The following CACNA1C variants were observed in gnomAD, a reference collection of about 807,000 sequenced individuals.
The protein encoded by CACNA1C is calcium voltage-gated channel subunit alpha1 C.
Under a neutral mutation model 229.0 loss-of-function variants are expected in CACNA1C, and 30 were observed. The observed-to-expected ratio is 0.13, with a 90% confidence interval of 0.10 to 0.18. CACNA1C has a LOEUF of 0.18. Among genes scored for constraint, CACNA1C ranks in the 10% least tolerant of loss-of-function variants. CACNA1C has a pLI of 1.00. For missense variants in CACNA1C, 1,658 were observed against 2,845.0 expected (o/e 0.58, Z 9.49); for synonymous variants, 1,114 against 1,132.5 (o/e 0.98, Z 0.33).
Position 2,651,636 on chromosome 12 carries a change from C to T in CACNA1C, c.3946-4C>T. The T allele has an allele frequency of 6.2e-7, 1 of 1,613,876 alleles. No individual in the cohort carries two copies. Among genetic ancestry groups the T allele is most frequent in the Non-Finnish European group, 8.5e-7 (1 of 1,179,836 alleles). ...CTGCACCTCCTGTTGCCGACGGGTT[C>T]CAGAACGCAGAGGAAAACTCCCGCA... is the stretch of plus-strand genomic sequence containing the variant. On this transcript the variant is annotated splice_polypyrimidine_tract_variant and splice_region_variant and intron_variant, in intron 31 of 46. Coordinates refer to ENST00000399655, the MANE Select transcript of CACNA1C (RefSeq NM_000719.7). This position sits in a 1 kb window ranked among gnomAD's most constrained non-coding sequence, Gnocchi z 5.4.
chr12:2,374,990 C>T (rs2098001119), intron 3 of CACNA1C, among the ~76,000 whole-genome samples: 1 of 152,158 alleles, frequency 6.6e-6, no homozygotes, highest in South Asian at 2.1e-4. Context: ...TAAGGTGCTT[C>T]CAGTGACAGT....
chr12:2,670,452 A>G (rs905473399), intron 38 of CACNA1C, among the ~76,000 whole-genome samples: 1 of 152,226 alleles, frequency 6.6e-6, no homozygotes, highest in Non-Finnish European at 1.5e-5. Context: ...TAACCCAGAC[A>G]TGGGCCTTCT....
intron 3 of CACNA1C, among the ~76,000 whole-genome samples, chr12:2,265,239 G>A (rs962764667): frequency 3.3e-5 from 5 of 152,172 alleles, no homozygotes; most frequent in African/African-American, 9.7e-5. Flanking sequence ...GCAAATGTCT[G>A]GCTATCTAGG....
chr12:2,363,828 T>G (rs1165066116), intron 3 of CACNA1C, among the ~76,000 whole-genome samples: 2 of 152,198 alleles, frequency 1.3e-5, no homozygotes, highest in Non-Finnish European at 2.9e-5. Flanking sequence ...CTCTGCTTCT[T>G]CTTGGACCTG....
intron 29 of CACNA1C, among the ~76,000 whole-genome samples, chr12:2,624,538 ACTTGAAGAG>A (rs1354106039): frequency 1.2e-4 from 18 of 152,344 alleles, no homozygotes; most frequent in African/African-American, 4.3e-4. Flanking sequence ...ACATTGAAGA[ACTTGAAGAG>A]CAAGCAAGAA....
intron 3 of CACNA1C, among the ~76,000 whole-genome samples, chr12:2,186,010 C>T (rs57920468): frequency 1.3e-5 from 2 of 152,154 alleles, no homozygotes; most frequent in Non-Finnish European, 2.9e-5. Flanking sequence ...CCTGGCCGCT[C>T]TCTGGCTCCT....
chr12:2,393,879 G>T (rs1383249578), intron 3 of CACNA1C, among the ~76,000 whole-genome samples: 1 of 152,124 alleles, frequency 6.6e-6, no homozygotes. Context: ...GCTAAGGTGG[G>T]AGGATCATGG....
intron 21 of CACNA1C, among the ~76,000 whole-genome samples, chr12:2,600,894 T>C (rs752417905): frequency 6.6e-6 from 1 of 152,220 alleles, no homozygotes; most frequent in Non-Finnish European, 1.5e-5. Flanking sequence ...GGTGGCATCC[T>C]AAGTATTTTA....
At chr12:2,663,270 A>T (rs2095858486) in intron 34 of CACNA1C, among the ~76,000 whole-genome samples, 1 of 152,118 alleles carries the variant, frequency 6.6e-6, no homozygotes, top group African/African-American at 2.4e-5. Context: ...CCACCATGAG[A>T]CTCCACCTTC....
At chr12:2,204,977 A>C (rs532735897) in intron 3 of CACNA1C, among the ~76,000 whole-genome samples, 87 of 152,148 alleles carry the variant, frequency 5.7e-4, no homozygotes, top group African/African-American at 8.4e-4. Flanking sequence ...AAAACAAAAA[A>C]AAAACCTCTT....
At chr12:2,379,802 C>G (rs1266188630) in intron 3 of CACNA1C, among the ~76,000 whole-genome samples, 1 of 151,774 alleles carries the variant, frequency 6.6e-6, no homozygotes, top group African/African-American at 2.4e-5. Flanking sequence ...GAGGCCGAGG[C>G]GGGCGGATCA....
intron 3 of CACNA1C, among the ~76,000 whole-genome samples, chr12:2,393,384 C>G (rs1436360791): frequency 6.6e-6 from 1 of 152,218 alleles, no homozygotes; most frequent in African/African-American, 2.4e-5. Context: ...ATCTCCTGCT[C>G]CAGTGAAGAC....
intron 3 of CACNA1C, among the ~76,000 whole-genome samples, chr12:2,177,529 C>A (rs1368451112): frequency 1.4e-5 from 2 of 148,086 alleles, no homozygotes; most frequent in Non-Finnish European, 3.0e-5. Flanking sequence ...TCCTTCCTCT[C>A]CTCTCCCTTC....
At chr12:2,456,481 C>T (rs941304434) in intron 4 of CACNA1C, among the ~76,000 whole-genome samples, 1 of 152,210 alleles carries the variant, frequency 6.6e-6, no homozygotes, top group Admixed American at 6.5e-5. Context: ...TCCCTATTTC[C>T]TCTCCGACTT....
chr12:2,398,733 G>A (rs2098632219), intron 3 of CACNA1C, among the ~76,000 whole-genome samples: 1 of 152,136 alleles, frequency 6.6e-6, no homozygotes. Context: ...GGATGTGTGG[G>A]GTCTAAAGAT....
rs944015800 is a variant in CACNA1C, at chr12:2,054,520, G to A, written c.49+909G>A. 6.6e-6 allele frequency among the ~76,000 whole-genome samples: 1 copy of A among 152,128 alleles called. No individual in the cohort carries two copies. The highest frequency in any genetic ancestry group is 2.4e-5 in the African/African-American group (1 of 41,426). ...GAGTGTCACCAGCTCCCCCTGTGAT[G>A]GTGAAAGGCAGTCAGGTAACTCCCT... On this transcript the variant is annotated intron_variant, in intron 1 of 46. Coordinates refer to ENST00000399655, the MANE Select transcript of CACNA1C (RefSeq NM_000719.7). This position sits in a 1 kb window ranked among gnomAD's most constrained non-coding sequence, Gnocchi z 5.5.
Position 2,669,048 on chromosome 12 carries a change from G to C in CACNA1C, c.4726+13G>C, listed in dbSNP as rs561365937. ...ATCAAAACAGAAGGTAAGGTCGCCC[G>C]TGGGCACTGGGAGAGACACTCAGAA... On this transcript the variant is annotated intron_variant, in intron 38 of 46. Transcript: ENST00000399655. 6.4e-7 allele frequency: 1 copy of C among 1,554,830 alleles called. No homozygotes were observed. Among genetic ancestry groups the C allele is most frequent in the African/African-American group, 1.4e-5 (1 of 73,704 alleles).
chr12:2,655,292 C>A, intron 34 of CACNA1C, 54 bp downstream of exon 34: 2 of 1,096,770 alleles, frequency 1.8e-6, no homozygotes, highest in Non-Finnish European at 2.7e-6. Flanking sequence ...CATGGTGCCA[C>A]ACTGTGGCCT....
intron 45 of CACNA1C, among the ~76,000 whole-genome samples, chr12:2,687,382 CCA>C (rs1028266375): frequency 6.6e-6 from 1 of 152,220 alleles, no homozygotes; most frequent in African/African-American, 2.4e-5. Flanking sequence ...TCTTTCCCCA[CCA>C]CAGTGTCGCT....
Sources: gnomAD v4.1 joint callset for allele counts (sites outside exome capture counted in the v4.1 genomes callset) on GRCh38, gnomAD v4.1.1 for gene constraint, Gnocchi (gnomAD v3.1) non-coding constraint, MANE v1.5 for transcripts, NCBI Gene and HGNC (gene_info 2026-07-23, HGNC 2026-07-21) for gene names.